Variants in MAPK4 observed in about 807,000 individuals in gnomAD.
MAPK4 encodes the protein Erk3-related.
MAPK4 carries 22 observed loss-of-function variants against 47.7 expected under a neutral mutation model. The observed-to-expected ratio is 0.46, with a 90% CI of 0.33 to 0.66. The LOEUF (loss-of-function observed/expected upper bound fraction) is 0.66. Among genes scored for constraint, MAPK4 ranks in the 30% least tolerant of loss-of-function variants. The pLI is 0.02. For synonymous variants in MAPK4, 390 were observed against 365.7 expected (o/e 1.07, Z -0.76); for missense variants, 736 against 831.7 (o/e 0.88, Z 1.42).
chr18:50,591,809 C>T (rs972040081), intron 1 of MAPK4, among the ~76,000 whole-genome samples: 1 of 152,002 alleles, frequency 6.6e-6, no homozygotes, highest in Admixed American at 6.6e-5. Flanking sequence ...CTTCTGCTAT[C>T]TGGTCTGCCA....
intron 2 of MAPK4, among the ~76,000 whole-genome samples, chr18:50,709,457 G>A (rs1379957262): frequency 3.3e-5 from 5 of 152,230 alleles, no homozygotes; most frequent in African/African-American, 4.8e-5. Flanking sequence ...CACTAGGGGC[G>A]CAGGCCTGCC....
At chr18:50,608,743 T>C (rs1189354849) in intron 1 of MAPK4, among the ~76,000 whole-genome samples, 1 of 152,134 alleles carries the variant, frequency 6.6e-6, no homozygotes, top group Non-Finnish European at 1.5e-5. Context: ...TTAGTATTTA[T>C]TGATCATTCT....
At chr18:50,693,813 G>A (rs1395960651) in intron 2 of MAPK4, among the ~76,000 whole-genome samples, 2 of 129,198 alleles carry the variant, frequency 1.5e-5, no homozygotes, top group Non-Finnish European at 3.6e-5. Context: ...GTGGCTAAGA[G>A]ACTTGCCTGG....
chr18:50,699,886 G>A (rs1909694377), intron 2 of MAPK4, among the ~76,000 whole-genome samples: 1 of 152,202 alleles, frequency 6.6e-6, no homozygotes, highest in South Asian at 2.1e-4. Context: ...AGAGGATGAG[G>A]TCTGGGAAGC....
chr18:50,570,718 C>A (rs964632026), intron 1 of MAPK4, among the ~76,000 whole-genome samples: 21 of 152,314 alleles, frequency 1.4e-4, no homozygotes, highest in Admixed American at 8.5e-4. Flanking sequence ...TGCTTTTCTG[C>A]ATGCTCAACC....
chr18:50,591,674 A>G (rs2042437821), intron 1 of MAPK4, among the ~76,000 whole-genome samples: 1 of 151,820 alleles, frequency 6.6e-6, no homozygotes, highest in African/African-American at 2.4e-5. Flanking sequence ...GGCACAGGTA[A>G]GCAGTAGAGG....
chr18:50,726,260 C>T, intron 5 of MAPK4, 85 bp downstream of exon 5: 2 of 1,325,252 alleles, frequency 1.5e-6, no homozygotes, highest in Non-Finnish European at 2.1e-6. Flanking sequence ...ACCTTCCCCT[C>T]TGTCTCCCAA....
chr18:50,619,459 A>G (rs2042712366), intron 1 of MAPK4, among the ~76,000 whole-genome samples: 1 of 152,102 alleles, frequency 6.6e-6, no homozygotes, highest in African/African-American at 2.4e-5. Context: ...GACTACAGGC[A>G]TGTGCCACCA....
intron 1 of MAPK4, among the ~76,000 whole-genome samples, chr18:50,640,413 C>G (rs934767017): frequency 2.6e-5 from 4 of 151,624 alleles, no homozygotes; most frequent in Non-Finnish European, 5.9e-5. Flanking sequence ...ATATGGATGC[C>G]CTTACCAAAA....
intron 1 of MAPK4, among the ~76,000 whole-genome samples, chr18:50,584,949 C>T (rs564087068): frequency 2.6e-4 from 40 of 152,346 alleles, no homozygotes; most frequent in African/African-American, 9.1e-4. Flanking sequence ...CACAGCCTTG[C>T]ATAACTGAAG....
chr18:50,705,187 G>A (rs1909985502), intron 2 of MAPK4: 1 of 162,914 alleles, frequency 6.1e-6, no homozygotes, highest in Admixed American at 6.4e-5. Context: ...ATTTTCTCCT[G>A]ACTGGTGGTC....
rs1180920689 is a variant in MAPK4, at chr18:50,729,907, C to T, written c.*53C>T. ...AGAGCAGGAGACCCCCAGAGAAAGC[C>T]GGGGCTGGCAGGAGGCGGCCGCCCT... On this transcript the variant is annotated 3_prime_UTR_variant, in exon 6 of 6. Transcript: ENST00000400384. The T allele has an allele frequency of 2.0e-5, 29 of 1,476,722 alleles. No homozygotes were observed. Among genetic ancestry groups the T allele is most frequent in the East Asian group, 2.4e-5 (1 of 41,234 alleles). 91.5% of individuals were successfully genotyped at this position (1,476,722 alleles called of 1,614,324 possible).
intron 1 of MAPK4, among the ~76,000 whole-genome samples, chr18:50,591,605 C>T (rs1218639982): frequency 6.6e-6 from 1 of 151,254 alleles, no homozygotes; most frequent in African/African-American, 2.4e-5. Context: ...TTATGGTTTA[C>T]AAAATGTTTT....
intron 3 of MAPK4, among the ~76,000 whole-genome samples, chr18:50,716,514 A>G (rs918724609): frequency 3.3e-5 from 5 of 152,196 alleles, no homozygotes; most frequent in African/African-American, 1.2e-4. Context: ...CTAACTTTGT[A>G]GAGGCTGGAA....
chr18:50,672,882 A>G (rs1908036056), intron 2 of MAPK4, among the ~76,000 whole-genome samples: 1 of 152,202 alleles, frequency 6.6e-6, no homozygotes, highest in Admixed American at 6.5e-5. Context: ...CAGCTATCTC[A>G]GTGCACATCA....
intron 1 of MAPK4, among the ~76,000 whole-genome samples, chr18:50,578,021 A>G (rs1014119998): frequency 2.6e-5 from 4 of 152,216 alleles, no homozygotes; most frequent in African/African-American, 9.6e-5. Context: ...TAGTTCAGCA[A>G]GTGTTGACTG....
intron 2 of MAPK4, among the ~76,000 whole-genome samples, chr18:50,691,282 CCA>C (rs1258205888): frequency 6.6e-6 from 1 of 151,988 alleles, no homozygotes; most frequent in East Asian, 2.0e-4. Flanking sequence ...GTGTGAGCCA[CCA>C]CACCCGGCCA....
intron 2 of MAPK4, among the ~76,000 whole-genome samples, chr18:50,704,041 A>G (rs1909923123): frequency 6.6e-6 from 1 of 152,024 alleles, no homozygotes; most frequent in South Asian, 2.1e-4. Context: ...CTCCTTCCCC[A>G]CACCTGCCCT....
intron 2 of MAPK4, among the ~76,000 whole-genome samples, chr18:50,680,500 C>CT (rs1908530912): frequency 6.6e-6 from 1 of 152,144 alleles, no homozygotes; most frequent in African/African-American, 2.4e-5. Context: ...AATGTATGTC[C>CT]ATCAGCAGAA....
Sources: allele counts gnomAD v4.1 joint callset (sites outside exome capture counted in the v4.1 genomes callset), GRCh38; gene constraint gnomAD v4.1.1; transcripts MANE v1.5; gene names NCBI Gene and HGNC (gene_info 2026-07-23, HGNC 2026-07-21).